Variants in HIVEP3 observed in about 807,000 individuals in gnomAD.
The protein encoded by HIVEP3 is transcription factor HIVEP3.
In HIVEP3, 49 loss-of-function variants were observed where a neutral mutation model predicts 152.8. That is an observed-to-expected ratio of 0.32 (90% CI 0.26 to 0.41). The LOEUF (loss-of-function observed/expected upper bound fraction) is 0.41, where lower values mean the gene tolerates loss of function less well. Among genes scored for constraint, HIVEP3 ranks in the 10% least tolerant of loss-of-function variants. HIVEP3 has a pLI of 1.00. For synonymous variants in HIVEP3, 1,269 were observed against 1,289.0 expected, an observed-to-expected ratio of 0.98 and a Z score of 0.33; for missense variants, 2,790 against 3,103.3, an observed-to-expected ratio of 0.90 and a Z score of 2.40.
chr1:41,760,211 A>G (rs190395164), intron 1 of HIVEP3, among the ~76,000 whole-genome samples: 1 of 152,202 alleles, frequency 6.6e-6, no homozygotes, highest in Non-Finnish European at 1.5e-5. Context: ...GAATAAGAGT[A>G]CCTGCCTCAT....
At chr1:41,860,078 T>A (rs765376737) in intron 1 of HIVEP3, among the ~76,000 whole-genome samples, 5 of 152,216 alleles carry the variant, frequency 3.3e-5, no homozygotes, top group Non-Finnish European at 5.9e-5. Flanking sequence ...AAAGAAAAGA[T>A]GGCTTGCGGA....
chr1:41,527,456 C>A, intron 5 of HIVEP3, among the ~76,000 whole-genome samples: 1 of 116,716 alleles, frequency 8.6e-6, no homozygotes, highest in Non-Finnish European at 1.9e-5. Flanking sequence ...ACCCTCACAC[C>A]CCTGTCCTCA....
At chr1:41,923,007 CA>C (rs1644949450), upstream of HIVEP3, among the ~76,000 whole-genome samples, 1 of 151,614 alleles carries the variant, frequency 6.6e-6, no homozygotes, top group Non-Finnish European at 1.5e-5. Context: ...AGTCATTGAT[CA>C]AAAAAATTCA....
intron 3 of HIVEP3, among the ~76,000 whole-genome samples, chr1:41,615,802 G>A (rs976533667): frequency 9.3e-6 from 1 of 107,756 alleles, no homozygotes; most frequent in African/African-American, 3.6e-5. Context: ...GGCTTCCACT[G>A]TATTTGACAA....
intron 1 of HIVEP3, among the ~76,000 whole-genome samples, chr1:41,734,543 A>T (rs1646888164): frequency 6.6e-6 from 1 of 152,236 alleles, no homozygotes. Flanking sequence ...TGTTCAGCCA[A>T]GGAGCGATGG....
intron 1 of HIVEP3, among the ~76,000 whole-genome samples, chr1:41,757,127 T>TA (rs1265113067): frequency 7.5e-6 from 1 of 133,686 alleles, no homozygotes; most frequent in Admixed American, 7.6e-5. Flanking sequence ...TTATTATTAT[T>TA]ATTTTGGAGA....
intron 1 of HIVEP3, among the ~76,000 whole-genome samples, chr1:41,758,978 A>C (rs1647494618): frequency 6.6e-6 from 1 of 152,090 alleles, no homozygotes; most frequent in African/African-American, 2.4e-5. Flanking sequence ...AACCATTTTA[A>C]AGTATAAAAT....
rs1644430935 is a variant in HIVEP3, at chr1:41,582,550, G to A, written c.2248C>T (p.Pro750Ser). 3 of 1,611,598 alleles carry A rather than the reference G, an allele frequency of 1.9e-6. No homozygotes were observed. The highest frequency in any genetic ancestry group is 1.3e-5 in the African/African-American group (1 of 74,792). ...GCTGGTGACTTGGTGGACTCCAGGG[G>A]AAGGTTCCGAGCAGCATCAGATGGC... The part of the protein sequence containing the change: ...PGPSDAARNL[P>S]LESTKSPAEP... Residue 750 changes from proline to serine, a missense_variant, in exon 4 of 9, where the codon CCC becomes TCC. Pro to Ser is a moderately conservative substitution (Grantham distance 74, BLOSUM62 -1). Around this residue, in one of 9 missense-constraint regions of HIVEP3, gnomAD observed 339 missense variants for 327.0 expected, o/e 1.04. Coordinates refer to ENST00000372583, the MANE Select transcript of HIVEP3 (RefSeq NM_024503.5). The surrounding 1 kb of genome is among the most constrained non-coding windows in gnomAD (Gnocchi z 4.7).
chr1:41,691,515 G>T (rs570614601), intron 2 of HIVEP3, among the ~76,000 whole-genome samples: 1 of 152,142 alleles, frequency 6.6e-6, no homozygotes, highest in African/African-American at 2.4e-5. Flanking sequence ...CTTCATGAAC[G>T]GGATTAGTGC....
intron 5 of HIVEP3, among the ~76,000 whole-genome samples, chr1:41,537,219 T>G (rs997028520): frequency 6.6e-6 from 1 of 152,238 alleles, no homozygotes; most frequent in Non-Finnish European, 1.5e-5. Flanking sequence ...ATATTATGAC[T>G]TTTCCACCTA....
chr1:41,935,472 C>T (rs1197404201), intron 1 of HIVEP3, among the ~76,000 whole-genome samples: 1 of 152,002 alleles, frequency 6.6e-6, no homozygotes, highest in Non-Finnish European at 1.5e-5. Flanking sequence ...TTAGCTGAGT[C>T]CAGTTGTCCA....
chr1:41,743,982 C>T (rs1215111025), intron 1 of HIVEP3, among the ~76,000 whole-genome samples: 1 of 152,168 alleles, frequency 6.6e-6, no homozygotes, highest in Non-Finnish European at 1.5e-5. Flanking sequence ...GGCACCTCCC[C>T]TCCTTGGTAA....
chr1:42,018,184 C>A (rs1041266444), intron 1 of HIVEP3, among the ~76,000 whole-genome samples: 1 of 151,672 alleles, frequency 6.6e-6, no homozygotes, highest in African/African-American at 2.4e-5. Context: ...TGGGCTTGCT[C>A]TTTCATTCCC....
intron 1 of HIVEP3, among the ~76,000 whole-genome samples, chr1:41,727,564 CG>C (rs973788816): frequency 1.3e-5 from 2 of 152,238 alleles, no homozygotes; most frequent in African/African-American, 4.8e-5. Flanking sequence ...ACAAAGAAAA[CG>C]AGAGTGTCCA....
At chr1:41,912,559 G>A (rs1644813166) in intron 1 of HIVEP3, among the ~76,000 whole-genome samples, 1 of 152,162 alleles carries the variant, frequency 6.6e-6, no homozygotes, top group South Asian at 2.1e-4. Flanking sequence ...TCTTTCCAGT[G>A]AGGTACAGCA....
At chr1:41,870,813 T>C (rs1644066069) in intron 1 of HIVEP3, among the ~76,000 whole-genome samples, 1 of 152,120 alleles carries the variant, frequency 6.6e-6, no homozygotes, top group Non-Finnish European at 1.5e-5. Context: ...GAGGGGAGTG[T>C]GGATAGAGTC....
chr1:41,931,974 A>G (rs556611109), intron 1 of HIVEP3, among the ~76,000 whole-genome samples: 1 of 151,778 alleles, frequency 6.6e-6, no homozygotes, highest in Non-Finnish European at 1.5e-5. Context: ...AGGACTTTCC[A>G]TATGAAGTCA....
chr1:41,983,648 A>G (rs1249764300), intron 1 of HIVEP3, among the ~76,000 whole-genome samples: 1 of 151,900 alleles, frequency 6.6e-6, no homozygotes, highest in African/African-American at 2.4e-5. Context: ...CAAGTCACGC[A>G]CTCCTAAGTG....
chr1:41,605,906 C>G (rs1273092704), intron 3 of HIVEP3, among the ~76,000 whole-genome samples: 3 of 152,112 alleles, frequency 2.0e-5, no homozygotes, highest in Non-Finnish European at 2.9e-5. Flanking sequence ...TTTGAGTGAA[C>G]AAATGAACCT....
Sources: allele counts gnomAD v4.1 joint callset (sites outside exome capture counted in the v4.1 genomes callset), GRCh38; gene constraint gnomAD v4.1.1; regional missense constraint gnomAD v4.1.1; non-coding constraint Gnocchi (gnomAD v3.1); transcripts MANE v1.5; gene names NCBI Gene and HGNC (gene_info 2026-07-23, HGNC 2026-07-21).